The following NRXN1 variants were observed in gnomAD, a reference collection of about 807,000 sequenced individuals.
NRXN1 encodes the protein neurexin-1.
In NRXN1, 39 loss-of-function variants were observed where a neutral mutation model predicts 150.9. That is an observed-to-expected ratio of 0.26 (90% CI 0.20 to 0.34). The LOEUF (loss-of-function observed/expected upper bound fraction) is 0.34, where lower values mean the gene tolerates loss of function less well. Among genes scored for constraint, NRXN1 ranks in the 10% least tolerant of loss-of-function variants. The pLI is 1.00. For missense variants in NRXN1, 1,815 were observed against 1,949.9 expected (o/e 0.93, Z 1.30); for synonymous variants, 924 against 757.0 (o/e 1.22, Z -3.62).
intron 5 of NRXN1, among the ~76,000 whole-genome samples, chr2:50,717,730 C>G (rs553744964): frequency 6.6e-6 from 1 of 152,160 alleles, no homozygotes; most frequent in Non-Finnish European, 1.5e-5. Flanking sequence ...AAGGTGCCAG[C>G]AGATTTCACA....
intron 19 of NRXN1, among the ~76,000 whole-genome samples, chr2:50,078,529 C>G (rs752239312): frequency 1.3e-5 from 2 of 151,864 alleles, no homozygotes; most frequent in Non-Finnish European, 2.9e-5. Context: ...TTTGTTTTAC[C>G]AGTTTTCAAC....
chr2:50,622,437 AGCATGTACG>A (rs1435001816), intron 6 of NRXN1, among the ~76,000 whole-genome samples: 1 of 152,182 alleles, frequency 6.6e-6, no homozygotes, highest in African/African-American at 2.4e-5. Flanking sequence ...GTTTAAGATC[AGCATGTACG>A]GCAATAAAAT....
chr2:50,569,432 A>G (rs1042910339), intron 8 of NRXN1, among the ~76,000 whole-genome samples: 2 of 152,120 alleles, frequency 1.3e-5, no homozygotes, highest in African/African-American at 4.8e-5. Context: ...GTACTCAGAA[A>G]AATTAAAAAT....
chr2:50,787,940 A>C (rs182836610), intron 5 of NRXN1, among the ~76,000 whole-genome samples: 5 of 152,198 alleles, frequency 3.3e-5, no homozygotes, highest in Admixed American at 3.3e-4. Context: ...GCATAATATA[A>C]ATGAAAGCAT....
intron 17 of NRXN1, among the ~76,000 whole-genome samples, chr2:50,338,560 T>C (rs570349047): frequency 2.0e-5 from 3 of 152,210 alleles, no homozygotes; most frequent in South Asian, 2.1e-4. Context: ...AGGATAACTA[T>C]ACATAAAATG....
At chr2:49,950,872 C>T (rs935302373) in intron 21 of NRXN1, among the ~76,000 whole-genome samples, 7 of 151,998 alleles carry the variant, frequency 4.6e-5, no homozygotes, top group African/African-American at 1.7e-4. Context: ...AAAACAGCCA[C>T]TTTCACATTT....
At chr2:50,031,599 G>C (rs1689188958) in intron 21 of NRXN1, among the ~76,000 whole-genome samples, 2 of 151,936 alleles carry the variant, frequency 1.3e-5, no homozygotes, top group African/African-American at 4.8e-5. Context: ...ATATTACTTT[G>C]CCAATTCTCC....
Position 51,027,559 on chromosome 2 carries a change from C to A in NRXN1, c.715G>T (p.Asp239Tyr), listed in dbSNP as rs868801182. 1 of 1,594,890 alleles carries A rather than the reference C, an allele frequency of 6.3e-7. No individual in the cohort carries two copies. Among genetic ancestry groups the A allele is most frequent in the South Asian group, 1.1e-5 (1 of 89,942 alleles). Residue 239 changes from aspartate (D) to tyrosine (Y), a missense_variant, in exon 2 of 23, where the codon GAC becomes TAC. Coordinates refer to ENST00000401669, the MANE Select transcript of NRXN1 (RefSeq NM_001330078.2). ...CGCGAGCAGTCGCACACGGCCTGGT[C>A]GTCCACCACGGAGCACACACCTCCG... ...LNGGVCSVVDDQAVCDCSRTG... is the reference protein window; with the variant it reads ...LNGGVCSVVDYQAVCDCSRTG...
chr2:50,631,123 C>A, intron 5 of NRXN1: 1 of 444,714 alleles, frequency 2.2e-6, no homozygotes, highest in South Asian at 1.8e-5. Context: ...GAGTAGTTCA[C>A]TCATTAGATT....
intron 18 of NRXN1, among the ~76,000 whole-genome samples, chr2:50,215,538 A>G (rs1393731446): frequency 1.3e-5 from 2 of 152,038 alleles, no homozygotes; most frequent in East Asian, 1.9e-4. Context: ...CAGAAAACCT[A>G]AACTCTGATC....
At chr2:50,368,555 G>A (rs996419025) in intron 17 of NRXN1, among the ~76,000 whole-genome samples, 7 of 151,904 alleles carry the variant, frequency 4.6e-5, no homozygotes, top group African/African-American at 1.7e-4. Flanking sequence ...ACACACATGA[G>A]GTATGTTGGA....
At chr2:50,908,646 A>T (rs1429106523) in intron 5 of NRXN1, among the ~76,000 whole-genome samples, 1 of 151,758 alleles carries the variant, frequency 6.6e-6, no homozygotes, top group Non-Finnish European at 1.5e-5. Context: ...AAGAGAAAAA[A>T]TCTGAATTTG....
At chr2:49,928,672 T>G (rs939852068) in intron 22 of NRXN1, among the ~76,000 whole-genome samples, 64 of 152,252 alleles carry the variant, frequency 4.2e-4, no homozygotes, top group African/African-American at 1.5e-3. Flanking sequence ...TTTGCTTCAA[T>G]ACAGTGTAGG....
At chr2:50,356,979 T>A (rs1015580761) in intron 17 of NRXN1, among the ~76,000 whole-genome samples, 1 of 152,104 alleles carries the variant, frequency 6.6e-6, no homozygotes, top group Non-Finnish European at 1.5e-5. Context: ...TCACTACCAA[T>A]GCCCTTAAAT....
intron 2 of NRXN1, among the ~76,000 whole-genome samples, chr2:50,993,513 T>C (rs186404852): frequency 2.0e-5 from 3 of 151,950 alleles, no homozygotes; most frequent in African/African-American, 7.2e-5. Flanking sequence ...TCTACCTTTA[T>C]ACAATTAATT....
intron 12 of NRXN1, among the ~76,000 whole-genome samples, chr2:50,518,393 AG>A (rs1167621557): frequency 6.6e-6 from 1 of 152,002 alleles, no homozygotes; most frequent in Non-Finnish European, 1.5e-5. Context: ...TATAAAATTG[AG>A]TACTAAATAG....
intron 5 of NRXN1, among the ~76,000 whole-genome samples, chr2:50,776,655 TACAC>T (rs59117287): frequency 0.15 from 22,687 of 147,112 alleles, 2,148 homozygotes; most frequent in Non-Finnish European, 0.21. Flanking sequence ...TATATACACA[TACAC>T]ACACACACAC....
intron 17 of NRXN1, among the ~76,000 whole-genome samples, chr2:50,325,567 G>T (rs992012973): frequency 6.6e-6 from 1 of 152,190 alleles, no homozygotes. Context: ...ACCAACCAGA[G>T]CTGGAACTCA....
At chr2:50,329,400 C>A (rs191656495) in intron 17 of NRXN1, among the ~76,000 whole-genome samples, 4 of 150,398 alleles carry the variant, frequency 2.7e-5, no homozygotes, top group Admixed American at 2.6e-4. Flanking sequence ...ATAATAATTG[C>A]AATCTGGGAG....
Sources: allele counts gnomAD v4.1 joint callset (sites outside exome capture counted in the v4.1 genomes callset), GRCh38; gene constraint gnomAD v4.1.1; transcripts MANE v1.5; gene names NCBI Gene and HGNC (gene_info 2026-07-23, HGNC 2026-07-21).